PIP4K2A: variants seen among roughly 807,000 people sequenced by gnomAD.
PIP4K2A encodes the protein phosphatidylinositol-5-phosphate 4-kinase type 2 alpha.
PIP4K2A carries 14 observed loss-of-function variants against 42.9 expected under a neutral mutation model. The observed-to-expected ratio is 0.33, with a 90% CI of 0.22 to 0.51. The LOEUF (loss-of-function observed/expected upper bound fraction) is 0.51, where lower values mean the gene tolerates loss of function less well. PIP4K2A is among the 20% of genes least tolerant of loss of function. The pLI, the probability that PIP4K2A is intolerant of heterozygous loss-of-function variation, is 0.97. For synonymous variants in PIP4K2A, 192 were observed against 192.2 expected, an observed-to-expected ratio of 1.00 and a Z score of 0.01; for missense variants, 434 against 519.8, an observed-to-expected ratio of 0.83 and a Z score of 1.61.
rs551087067 is a variant in PIP4K2A, at chr10:22,643,006, T to G, written c.145-33289A>C. On this transcript the variant is annotated intron_variant, in intron 1 of 9. Coordinates refer to ENST00000376573, the MANE Select transcript of PIP4K2A (RefSeq NM_005028.5). The stretch of plus-strand genomic sequence containing the variant: ...CCTGAATATGAGACCTGGGATTACC[T>G]GCCTATTTCATTAAGCAATTTTCAA... Among the ~76,000 whole-genome samples the G allele has an allele frequency of 7.2e-5, 11 of 152,298 alleles. No homozygotes were observed. The East Asian group carries it at 1.5e-3, about 21-fold the overall frequency.
At chr10:22,668,144 G>A (rs923979883) in intron 1 of PIP4K2A, among the ~76,000 whole-genome samples, 9 of 152,114 alleles carry the variant, frequency 5.9e-5, no homozygotes, top group South Asian at 2.1e-4. Context: ...TAGAGACAGC[G>A]TTTTACTATG....
In PIP4K2A at chr10:22,664,230, C is replaced by CATATATATAT. The variant is rs1564460409; in HGVS notation, c.144+49952_144+49953insATATATATAT. Among the ~76,000 whole-genome samples the CATATATATAT allele has an allele frequency of 2.8e-4, 23 of 81,408 alleles. 1 individual carries two copies. The highest frequency in any genetic ancestry group is 9.6e-4 in the African/African-American group (16 of 16,700). 53.4% of individuals were successfully genotyped at this position (81,408 alleles called of 152,430 possible). On this transcript the variant is annotated intron_variant, in intron 1 of 9. Coordinates refer to ENST00000376573, the MANE Select transcript of PIP4K2A (RefSeq NM_005028.5). ...ATATATATATATACATATATATATA[C>CATATATATAT]ACACACACACACACACACACATATA... is the stretch of plus-strand genomic sequence containing the variant.
intron 1 of PIP4K2A, among the ~76,000 whole-genome samples, chr10:22,613,501 A>T (rs539216861): frequency 6.6e-5 from 10 of 152,234 alleles, no homozygotes; most frequent in African/African-American, 2.2e-4. Context: ...AGCAGAACTG[A>T]TGGAGGGAAG....
At position 22,582,437 on chromosome 10, in the gene PIP4K2A, C is replaced by T. The variant is rs571004024; in HGVS notation, c.493-8980G>A. On this transcript the variant is annotated intron_variant, in intron 4 of 9. Coordinates refer to ENST00000376573, the MANE Select transcript of PIP4K2A (RefSeq NM_005028.5). The stretch of plus-strand genomic sequence containing the variant: ...AGAAAGGGTTCTAAGTGATGTACTG[C>T]AATAGATAAATATTTATATCTCCGC... 4.6e-5 allele frequency among the ~76,000 whole-genome samples: 7 copies of T among 152,178 alleles called. No individual in the cohort carries two copies. In the South Asian group the frequency reaches 1.4e-3, roughly 32 times the overall value.
chr10:22,680,346 G>A (rs952339803), intron 1 of PIP4K2A, among the ~76,000 whole-genome samples: 7 of 152,042 alleles, frequency 4.6e-5, no homozygotes, highest in African/African-American at 1.5e-4. Context: ...TTAGATGGCC[G>A]AATTATGAGT....
chr10:22,537,297 A>C lies in PIP4K2A; in HGVS notation c.1141-16T>G. 1.3e-6 allele frequency: 2 copies of C among 1,569,746 alleles called. No homozygotes were observed. Among genetic ancestry groups the C allele is most frequent in the Non-Finnish European group, 1.7e-6 (2 of 1,150,898 alleles). On this transcript the variant is annotated splice_polypyrimidine_tract_variant and intron_variant, in intron 9 of 9. Coordinates refer to ENST00000376573, the MANE Select transcript of PIP4K2A (RefSeq NM_005028.5). The stretch of plus-strand genomic sequence containing the variant: ...CCGCGCCAGCCTGGGCAGTTTTTAA[A>C]AAAGGAAATATTGACATAGTGTTTA...
chr10:22,625,821 C>G (rs1172501028), intron 1 of PIP4K2A, among the ~76,000 whole-genome samples: 1 of 152,146 alleles, frequency 6.6e-6, no homozygotes, highest in Non-Finnish European at 1.5e-5. Context: ...TTCACATAGA[C>G]GTGGTTTTCG....
At chr10:22,584,528 C>A (rs572095868) in intron 4 of PIP4K2A, among the ~76,000 whole-genome samples, 26 of 152,222 alleles carry the variant, frequency 1.7e-4, no homozygotes, top group Middle Eastern at 3.4e-3. Flanking sequence ...AAAAGGACTG[C>A]GGAACTTCCA....
At chr10:22,563,680 G>A (rs573656839) in intron 6 of PIP4K2A, among the ~76,000 whole-genome samples, 14 of 152,288 alleles carry the variant, frequency 9.2e-5, no homozygotes, top group Middle Eastern at 3.4e-3. Context: ...AGAAATGTGC[G>A]CTCTGGGGCT....
At chr10:22,618,289 T>C (rs941945788) in intron 1 of PIP4K2A, among the ~76,000 whole-genome samples, 3 of 152,266 alleles carry the variant, frequency 2.0e-5, no homozygotes, top group African/African-American at 7.2e-5. Context: ...TTTGTGACTC[T>C]GTGGCTGATA....
Position 22,660,462 on chromosome 10 carries a change from C to T in PIP4K2A, c.145-50745G>A, listed in dbSNP as rs573884345. Among the ~76,000 whole-genome samples, 4 of 152,124 alleles carry T rather than the reference C, an allele frequency of 2.6e-5. No homozygotes were observed. In the South Asian group the frequency reaches 8.3e-4, roughly 32 times the overall value. On this transcript the variant is annotated intron_variant, in intron 1 of 9. Transcript: ENST00000376573. ...CTCCAGCCTGGGCGACAGAGTGAGA[C>T]TCCATCTCAAAAAAATAAAAAATAA...
At chr10:22,629,835 A>G (rs999420917) in intron 1 of PIP4K2A, among the ~76,000 whole-genome samples, 2 of 152,236 alleles carry the variant, frequency 1.3e-5, no homozygotes, top group Admixed American at 1.3e-4. Context: ...TGTGATAATA[A>G]AAGTGTTCAA....
intron 2 of PIP4K2A, among the ~76,000 whole-genome samples, chr10:22,608,324 CA>C (rs1169441225): frequency 6.6e-6 from 1 of 152,120 alleles, no homozygotes; most frequent in Non-Finnish European, 1.5e-5. Flanking sequence ...ACGGGCCAGG[CA>C]GGGGGAGCAG....
chr10:22,701,145 C>T (rs1350032459), intron 1 of PIP4K2A, among the ~76,000 whole-genome samples: 1 of 152,218 alleles, frequency 6.6e-6, no homozygotes, highest in Non-Finnish European at 1.5e-5. Flanking sequence ...CCTCTTCTGT[C>T]TCACAGTATC....
At chr10:22,677,816 CA>C (rs1220212229) in intron 1 of PIP4K2A, among the ~76,000 whole-genome samples, 7 of 152,288 alleles carry the variant, frequency 4.6e-5, no homozygotes, top group Non-Finnish European at 4.4e-5. Context: ...TCTAGCATCT[CA>C]ATCAGTCAGT....
At chr10:22,552,510 C>G (rs1382437181) in intron 6 of PIP4K2A, among the ~76,000 whole-genome samples, 1 of 152,002 alleles carries the variant, frequency 6.6e-6, no homozygotes, top group Non-Finnish European at 1.5e-5. Flanking sequence ...GAAGACAGCA[C>G]AATATTAAAA....
intron 6 of PIP4K2A, chr10:22,567,486 T>C (rs1221669563): frequency 4.4e-6 from 2 of 454,238 alleles, no homozygotes; most frequent in East Asian, 5.0e-5. Flanking sequence ...CGGTTTGATA[T>C]CGGTGAAGCA....
intron 3 of PIP4K2A, among the ~76,000 whole-genome samples, chr10:22,605,245 C>A (rs1416390918): frequency 6.6e-6 from 1 of 151,686 alleles, no homozygotes; most frequent in African/African-American, 2.4e-5. Context: ...AAGCAGCAGG[C>A]AGAGCTAAGG....
intron 1 of PIP4K2A, among the ~76,000 whole-genome samples, chr10:22,619,441 T>TTTC (rs1241020990): frequency 1.5e-5 from 2 of 131,440 alleles, no homozygotes; most frequent in South Asian, 4.4e-4. Flanking sequence ...TCTTTTTTCT[T>TTTC]TTTTTTTTTT....
Sources: gnomAD v4.1 joint callset for allele counts (sites outside exome capture counted in the v4.1 genomes callset) on GRCh38, gnomAD v4.1.1 for gene constraint, MANE v1.5 for transcripts, NCBI Gene and HGNC (gene_info 2026-07-23, HGNC 2026-07-21) for gene names.